The following EYS variants were observed in gnomAD, a reference collection of about 807,000 sequenced individuals.
The protein encoded by EYS is EGF-like photoreceptor maintenance factor, also known as protein eyes shut homolog.
A neutral mutation model predicts 282.1 loss-of-function variants in EYS; 250 were observed. The observed-to-expected ratio is 0.89, with a 90% CI of 0.80 to 0.98. The LOEUF (loss-of-function observed/expected upper bound fraction) is 0.98, where lower values mean the gene tolerates loss of function less well. Among genes scored for constraint, EYS ranks in the 50% least tolerant of loss-of-function variants. EYS has a pLI of 0.00. For missense variants in EYS, 4,016 were observed against 3,709.0 expected (o/e 1.08, Z -2.15); for synonymous variants, 1,355 against 1,282.9 (o/e 1.06, Z -1.20).
chr6:65,231,140 TAC>T (rs544913322), intron 12 of EYS, among the ~76,000 whole-genome samples: 35 of 35,160 alleles, frequency 1.0e-3, no homozygotes, highest in Middle Eastern at 0.016. Context: ...TTTATATATA[TAC>T]TTTTATATAT....
chr6:65,068,255 T>A (rs569222881), intron 12 of EYS, among the ~76,000 whole-genome samples: 1 of 152,284 alleles, frequency 6.6e-6, no homozygotes, highest in East Asian at 1.9e-4. Context: ...CGGAGTCGAA[T>A]GTTAAGGAAA....
intron 1 of EYS, among the ~76,000 whole-genome samples, chr6:65,643,767 C>T (rs1483409521): frequency 6.6e-6 from 1 of 152,040 alleles, no homozygotes; most frequent in African/African-American, 2.4e-5. Context: ...CTCTCCAGTA[C>T]CAGCCCAGAG....
rs1772505129 is a variant in EYS at position 64,744,991 on chromosome 6, T to C, written c.3443+68387A>G. Among the ~76,000 whole-genome samples the C allele has an allele frequency of 3.3e-5, 5 of 152,246 alleles. 1 individual carries two copies. The South Asian group carries it at 1.0e-3, about 32-fold the overall frequency. Reference sequence around the variant, plus strand: ...ATTTCTATGTATATTTTCTTACTTCTCTAAAACTCTCATAAGCAGCATGAG... The same window carrying C: ...ATTTCTATGTATATTTTCTTACTTCCCTAAAACTCTCATAAGCAGCATGAG... On this transcript the variant is annotated intron_variant, in intron 22 of 42. Transcript: ENST00000503581.
intron 31 of EYS, among the ~76,000 whole-genome samples, chr6:64,125,177 G>GCGCGCGCGCTCTCTCT (rs1562213606): frequency 7.4e-6 from 1 of 134,324 alleles, no homozygotes; most frequent in African/African-American, 2.9e-5. Context: ...TCTCTCTCTC[G>GCGCGCGCGCTCTCTCT]CTCTCTCTCT....
At chr6:64,334,289 G>T (rs1770758979) in intron 29 of EYS, among the ~76,000 whole-genome samples, 1 of 152,046 alleles carries the variant, frequency 6.6e-6, no homozygotes, top group East Asian at 1.9e-4. Flanking sequence ...AAATGGACAG[G>T]GGCATGTGTA....
At chr6:64,677,429 A>G (rs1769732735) in intron 22 of EYS, among the ~76,000 whole-genome samples, 1 of 152,170 alleles carries the variant, frequency 6.6e-6, no homozygotes, top group African/African-American at 2.4e-5. Context: ...CAAATTGGAA[A>G]TTAGATCTAA....
chr6:63,973,655 A>G (rs1766695533), intron 35 of EYS, among the ~76,000 whole-genome samples: 4 of 152,184 alleles, frequency 2.6e-5, no homozygotes, highest in Admixed American at 2.6e-4. Flanking sequence ...CAATGCAACT[A>G]TGCATATCCC....
At position 64,131,115 on chromosome 6, in the gene EYS, C is replaced by A. The variant is rs563632102; in HGVS notation, c.6425-49113G>T. The stretch of plus-strand genomic sequence containing the variant: ...ACTCTTGACTTCGTGATCCTCCCCC[C>A]CTTGGCCTCCCAAAGTGCTGGGATT... On this transcript the variant is annotated intron_variant, in intron 31 of 42. Coordinates refer to ENST00000503581, the MANE Select transcript of EYS (RefSeq NM_001142800.2). Among the ~76,000 whole-genome samples, 9 of 152,134 alleles carry A rather than the reference C, an allele frequency of 5.9e-5. No homozygotes were observed. The East Asian group carries it at 7.7e-4, about 13-fold the overall frequency.
chr6:64,557,177 A>C (rs990367143), intron 26 of EYS, among the ~76,000 whole-genome samples: 4 of 150,944 alleles, frequency 2.6e-5, no homozygotes, highest in African/African-American at 9.7e-5. Context: ...TGATACCAGA[A>C]GCAAGATTTG....
At chr6:63,981,807 G>A (rs1323541351) in intron 35 of EYS, among the ~76,000 whole-genome samples, 1 of 151,818 alleles carries the variant, frequency 6.6e-6, no homozygotes, top group Non-Finnish European at 1.5e-5. Context: ...CTTAAGTCCT[G>A]AAGAGCTGAT....
intron 30 of EYS, among the ~76,000 whole-genome samples, chr6:64,278,728 CTCTCTCTCTCTT>C (rs1768200662): frequency 6.6e-6 from 1 of 151,962 alleles, no homozygotes. Flanking sequence ...CTCTCTCTCT[CTCTCTCTCTCTT>C]TCTCTCTTTC....
At chr6:64,190,499 T>C (rs960669618) in intron 31 of EYS, among the ~76,000 whole-genome samples, 19 of 152,246 alleles carry the variant, frequency 1.2e-4, no homozygotes, top group African/African-American at 3.6e-4. Flanking sequence ...ATTGGAAACA[T>C]TGAGAAAGGC....
At chr6:64,725,549 G>A (rs766086847) in intron 22 of EYS, among the ~76,000 whole-genome samples, 4 of 152,030 alleles carry the variant, frequency 2.6e-5, no homozygotes, top group East Asian at 1.9e-4. Flanking sequence ...ATATGCCCTA[G>A]CCCTATTATG....
intron 36 of EYS, among the ~76,000 whole-genome samples, chr6:63,859,701 A>C (rs1032057272): frequency 2.6e-5 from 4 of 151,988 alleles, no homozygotes; most frequent in Admixed American, 2.6e-4. Flanking sequence ...GGAAGTGTGA[A>C]TGAGGAGCAC....
At chr6:65,052,243 G>A (rs905760694) in intron 13 of EYS, among the ~76,000 whole-genome samples, 3 of 151,482 alleles carry the variant, frequency 2.0e-5, no homozygotes, top group Non-Finnish European at 3.0e-5. Flanking sequence ...AATCCCAGGT[G>A]TGTGTGTTTT....
At chr6:63,909,086 C>A (rs1021279705) in intron 35 of EYS, among the ~76,000 whole-genome samples, 1 of 151,984 alleles carries the variant, frequency 6.6e-6, no homozygotes, top group Non-Finnish European at 1.5e-5. Context: ...CCCATAGAGC[C>A]AGGTCATGAA....
chr6:65,343,182 T>C (rs1452183098), intron 10 of EYS, among the ~76,000 whole-genome samples: 1 of 151,250 alleles, frequency 6.6e-6, no homozygotes, highest in Non-Finnish European at 1.5e-5. Flanking sequence ...GTAATGCCTC[T>C]AGATGAATTT....
chr6:65,353,292 C>A (rs932216372), intron 9 of EYS, among the ~76,000 whole-genome samples, 166 bp downstream of exon 9: 29 of 151,944 alleles, frequency 1.9e-4, no homozygotes, highest in Admixed American at 6.6e-4. Flanking sequence ...TGGTGTTAAA[C>A]ACGTCAGTTA....
intron 2 of EYS, among the ~76,000 whole-genome samples, chr6:65,610,276 TC>T (rs112616295): frequency 6.6e-5 from 10 of 152,148 alleles, no homozygotes; most frequent in Middle Eastern, 3.4e-3. Flanking sequence ...GTTCTTTTTT[TC>T]CCCCTTTTTT....
Sources: allele counts gnomAD v4.1 joint callset (sites outside exome capture counted in the v4.1 genomes callset), GRCh38; gene constraint gnomAD v4.1.1; transcripts MANE v1.5; gene names NCBI Gene and HGNC (gene_info 2026-07-23, HGNC 2026-07-21).